FRMD4A: variants seen among roughly 807,000 people sequenced by gnomAD.
FRMD4A encodes the protein FERM domain-containing protein 4A.
Under a neutral mutation model 129.1 loss-of-function variants are expected in FRMD4A, and 29 were observed. The ratio of observed to expected loss-of-function variants is 0.22; its 90% confidence interval spans 0.17 to 0.31. The LOEUF (loss-of-function observed/expected upper bound fraction) is 0.31, where lower values mean the gene tolerates loss of function less well. Among genes scored for constraint, FRMD4A ranks in the 10% least tolerant of loss-of-function variants. The probability of loss-of-function intolerance (pLI) is 1.00; values close to 1 mark genes in which losing one functional copy is unlikely to be tolerated. For synonymous variants in FRMD4A, 634 were observed against 571.6 expected (o/e 1.11, Z -1.56); for missense variants, 1,272 against 1,375.8 (o/e 0.92, Z 1.19).
At chr10:13,651,377 G>C (rs2081566831) in intron 24 of FRMD4A, 1 of 153,302 alleles carries the variant, frequency 6.5e-6, no homozygotes, top group Non-Finnish European at 1.5e-5. Context: ...CAGGGACACT[G>C]ATTACTCACA....
chr10:14,076,893 G>A (rs1278462163), intron 2 of FRMD4A, among the ~76,000 whole-genome samples: 4 of 152,200 alleles, frequency 2.6e-5, no homozygotes, highest in African/African-American at 9.7e-5. Context: ...AAGCACACAA[G>A]TCAGGGAGTT....
Position 14,109,783 on chromosome 10 carries a change from C to G in FRMD4A, c.45+220275G>C, listed in dbSNP as rs191859594. 2.0e-4 allele frequency among the ~76,000 whole-genome samples: 31 copies of G among 151,314 alleles called. No homozygotes were observed. The East Asian group carries it at 4.7e-3, about 23-fold the overall frequency. On this transcript the variant is annotated intron_variant, in intron 2 of 24. Transcript: ENST00000357447. The stretch of plus-strand genomic sequence containing the variant: ...GGTCAGGAGTTTAAGACTAGCCTGG[C>G]CAACATGGAGAAACCCTGTCTCTAC...
chr10:13,860,648 C>T (rs2094282534), intron 2 of FRMD4A, among the ~76,000 whole-genome samples: 1 of 152,198 alleles, frequency 6.6e-6, no homozygotes, highest in Non-Finnish European at 1.5e-5. Context: ...CTGGCCCTGT[C>T]TCCTTGTCCA....
At position 14,200,951 on chromosome 10, in the gene FRMD4A, G is replaced by A. The variant is rs558387442; in HGVS notation, c.45+129107C>T. ...CTGGCTGGTCCTACCTGTCAGGAGCGTTTCATTCCAGCAATGCCAGCTGCA... is the reference window on the plus strand; with the variant it reads ...CTGGCTGGTCCTACCTGTCAGGAGCATTTCATTCCAGCAATGCCAGCTGCA... On this transcript the variant is annotated intron_variant, in intron 2 of 24. Transcript: ENST00000357447. Among the ~76,000 whole-genome samples, 17 of 152,296 alleles carry A rather than the reference G, an allele frequency of 1.1e-4. No homozygotes were observed. The South Asian group carries it at 1.4e-3, about 13-fold the overall frequency.
chr10:14,070,009 T>C (rs1448537697), intron 2 of FRMD4A, among the ~76,000 whole-genome samples: 1 of 152,140 alleles, frequency 6.6e-6, no homozygotes, highest in Admixed American at 6.5e-5. Flanking sequence ...AACAAGTAGA[T>C]CTTCACCAGG....
chr10:13,693,475 A>C, intron 15 of FRMD4A: 3 of 1,129,710 alleles, frequency 2.7e-6, no homozygotes, highest in Non-Finnish European at 3.3e-6. Flanking sequence ...AAGCCGGAGA[A>C]ACCCACCTGG....
Position 13,918,444 on chromosome 10 carries a change from T to C in FRMD4A, c.46-59532A>G, listed in dbSNP as rs145602726. On this transcript the variant is annotated intron_variant, in intron 2 of 24. Coordinates refer to ENST00000357447, the MANE Select transcript of FRMD4A (RefSeq NM_018027.5). ...TGGTTCATTTATTTATTTATTTATT[T>C]ATTCATTCCCTTAACTAATTTTCAG... Among the ~76,000 whole-genome samples the C allele has an allele frequency of 9.0e-4, 136 of 150,942 alleles. 3 individuals are homozygous for C. The East Asian group carries it at 0.023, about 25-fold the overall frequency.
At chr10:13,994,616 T>C (rs2095616035) in intron 2 of FRMD4A, among the ~76,000 whole-genome samples, 1 of 152,244 alleles carries the variant, frequency 6.6e-6, no homozygotes, top group South Asian at 2.1e-4. Context: ...AACTGGCATC[T>C]TAGGCAATGT....
intron 6 of FRMD4A, among the ~76,000 whole-genome samples, chr10:13,771,427 A>G (rs2092451420): frequency 6.6e-6 from 1 of 152,216 alleles, no homozygotes. Flanking sequence ...AAGAACACCC[A>G]TAAAGCAGAA....
chr10:14,073,622 T>C (rs1282408671), intron 2 of FRMD4A, among the ~76,000 whole-genome samples: 3 of 152,088 alleles, frequency 2.0e-5, no homozygotes, highest in African/African-American at 7.2e-5. Context: ...GCATTGTCTT[T>C]GCTTGTCCAA....
intron 2 of FRMD4A, among the ~76,000 whole-genome samples, chr10:14,151,711 C>T (rs2131855492): frequency 6.6e-6 from 1 of 152,266 alleles, no homozygotes; most frequent in East Asian, 1.9e-4. Context: ...TTCCTTCCTG[C>T]AGCCCTTTCT....
intron 2 of FRMD4A, among the ~76,000 whole-genome samples, chr10:14,026,757 A>G (rs1833003170): frequency 6.6e-6 from 1 of 152,196 alleles, no homozygotes; most frequent in Admixed American, 6.5e-5. Context: ...CTTTTGTTAA[A>G]ACTATAGCTG....
Position 13,657,511 on chromosome 10 carries a change from A to C in FRMD4A, c.2078T>G (p.Ile693Ser). Residue 693 changes from isoleucine (I) to serine (S), a missense_variant, in exon 22 of 25, where the codon ATC (isoleucine) becomes AGC (serine). By Grantham distance (142) the Ile-to-Ser change is moderately radical. Transcript: ENST00000357447. ...GAGGCTGTGCAGTCGGGTGGGGCTGATGTCCACCGACCTGCCGGGAGACGA... is the reference window on the plus strand; with the variant it reads ...GAGGCTGTGCAGTCGGGTGGGGCTGCTGTCCACCGACCTGCCGGGAGACGA... ...HYVHSTRSVD[I>S]SPTRLHSLAL... 1 of 1,530,998 alleles carries C rather than the reference A, an allele frequency of 6.5e-7. No homozygotes were observed. The highest frequency in any genetic ancestry group is 8.8e-7 in the Non-Finnish European group (1 of 1,133,980). The allele number at this position is 1,530,998 out of a possible 1,614,324, so 94.8% of individuals were successfully genotyped here.
Position 13,957,392 on chromosome 10 carries a change from T to C in FRMD4A, c.46-98480A>G, listed in dbSNP as rs148689569. 6.8e-3 allele frequency among the ~76,000 whole-genome samples: 1,039 copies of C among 152,300 alleles called. 13 individuals are homozygous for C. Among genetic ancestry groups the C allele is most frequent in the African/African-American group, 0.024 (989 of 41,562 alleles). ...CCTCAGCCTCCCGTCTAGCTGGGAC[T>C]ACAGGCATGCACCACCATGCCCGGC... On this transcript the variant is annotated intron_variant, in intron 2 of 24. Coordinates refer to ENST00000357447, the MANE Select transcript of FRMD4A (RefSeq NM_018027.5).
At chr10:14,025,113 C>T (rs945106742) in intron 2 of FRMD4A, among the ~76,000 whole-genome samples, 11 of 152,272 alleles carry the variant, frequency 7.2e-5, no homozygotes, top group African/African-American at 2.2e-4. Flanking sequence ...AATTTTTCCT[C>T]AGAATATTAT....
intron 2 of FRMD4A, among the ~76,000 whole-genome samples, chr10:14,127,044 A>G (rs1838882723): frequency 2.0e-5 from 3 of 152,212 alleles, no homozygotes; most frequent in African/African-American, 7.2e-5. Context: ...GAGGGCTGAC[A>G]TTAACTGCAG....
chr10:13,999,312 T>G (rs2095633637), intron 2 of FRMD4A, among the ~76,000 whole-genome samples: 1 of 152,196 alleles, frequency 6.6e-6, no homozygotes, highest in Non-Finnish European at 1.5e-5. Context: ...CTGTGTCTCT[T>G]GGGCCTAGAA....
intron 12 of FRMD4A, among the ~76,000 whole-genome samples, chr10:13,722,150 T>C (rs1257238328): frequency 6.6e-6 from 1 of 151,624 alleles, no homozygotes; most frequent in African/African-American, 2.4e-5. Context: ...CAAAATCCCG[T>C]GCAGCAGAAA....
intron 2 of FRMD4A, among the ~76,000 whole-genome samples, chr10:14,020,968 C>G (rs1252511230): frequency 6.6e-6 from 1 of 152,168 alleles, no homozygotes; most frequent in Non-Finnish European, 1.5e-5. Context: ...CCATGTGCCT[C>G]CTTGGCATCA....
Sources: allele counts gnomAD v4.1 joint callset (sites outside exome capture counted in the v4.1 genomes callset), GRCh38; gene constraint gnomAD v4.1.1; transcripts MANE v1.5; gene names NCBI Gene and HGNC (gene_info 2026-07-23, HGNC 2026-07-21).